Variants in TBC1D1 observed in about 807,000 individuals in gnomAD.
TBC1D1 encodes the protein TBC1 (tre-2/USP6, BUB2, cdc16) domain family, member 1.
TBC1D1 carries 89 observed loss-of-function variants against 125.6 expected under a neutral mutation model. The ratio of observed to expected loss-of-function variants is 0.71; its 90% CI spans 0.60 to 0.85. The LOEUF is 0.85. Ranked by LOEUF, TBC1D1 falls within the 40% of genes least tolerant of loss-of-function variation. The pLI, the probability that TBC1D1 is intolerant of heterozygous loss-of-function variation, is 0.00. For missense variants in TBC1D1, 1,377 were observed against 1,469.2 expected, an observed-to-expected ratio of 0.94 and a Z score of 1.03; for synonymous variants, 565 against 564.1, an observed-to-expected ratio of 1.00 and a Z score of -0.02.
intron 2 of TBC1D1, among the ~76,000 whole-genome samples, chr4:37,998,909 G>C (rs550427108): frequency 2.9e-4 from 44 of 152,284 alleles, no homozygotes; most frequent in African/African-American, 9.6e-4. Flanking sequence ...ATAAAATACT[G>C]TTGGTCACAC....
chr4:37,919,917 C>T (rs1478692682), intron 2 of TBC1D1, among the ~76,000 whole-genome samples: 1 of 152,102 alleles, frequency 6.6e-6, no homozygotes, highest in Non-Finnish European at 1.5e-5. Flanking sequence ...TCGAGACCAT[C>T]CTGGCTAACA....
intron 14 of TBC1D1, 27 bp downstream of exon 16, chr4:38,096,117 C>T: frequency 6.3e-7 from 1 of 1,596,192 alleles, no homozygotes; most frequent in African/African-American, 1.3e-5. Flanking sequence ...AGCATCTAGT[C>T]AACCTCACCC....
chr4:38,032,065 T>G (rs2152453615), intron 7 of TBC1D1, among the ~76,000 whole-genome samples: 1 of 152,330 alleles, frequency 6.6e-6, no homozygotes, highest in South Asian at 2.1e-4. Context: ...ATGCCTGTAA[T>G]TCCAGCACTT....
chr4:37,993,231 G>T (rs1737021782), intron 2 of TBC1D1, among the ~76,000 whole-genome samples: 1 of 150,208 alleles, frequency 6.7e-6, no homozygotes, highest in East Asian at 1.9e-4. Flanking sequence ...GAGAGAGAGG[G>T]AGAGACAGAG....
At chr4:37,982,552 G>T (rs1734548513) in intron 2 of TBC1D1, among the ~76,000 whole-genome samples, 3 of 152,158 alleles carry the variant, frequency 2.0e-5, no homozygotes, top group African/African-American at 7.2e-5. Flanking sequence ...TTATCTGGTA[G>T]TGGTGGCAGC....
chr4:38,065,661 T>TG (rs1290955743), intron 12 of TBC1D1, among the ~76,000 whole-genome samples: 1 of 150,932 alleles, frequency 6.6e-6, no homozygotes, highest in African/African-American at 2.4e-5. Flanking sequence ...TTTTTTTTTT[T>TG]TTGAGACAGA....
At chr4:37,956,568 C>T (rs974918441) in intron 2 of TBC1D1, among the ~76,000 whole-genome samples, 3 of 152,154 alleles carry the variant, frequency 2.0e-5, no homozygotes, top group African/African-American at 7.2e-5. Flanking sequence ...AATGGCTTTT[C>T]CCTGTACTTC....
intron 2 of TBC1D1, among the ~76,000 whole-genome samples, chr4:38,005,892 G>A (rs762551348): frequency 6.6e-6 from 1 of 152,318 alleles, no homozygotes; most frequent in African/African-American, 2.4e-5. Context: ...GTAGAAAACC[G>A]CATTTCCAGA....
At chr4:38,056,051 T>C (rs1028708941) in intron 12 of TBC1D1, among the ~76,000 whole-genome samples, 1 of 152,250 alleles carries the variant, frequency 6.6e-6, no homozygotes, top group African/African-American at 2.4e-5. Flanking sequence ...CACAGATGAC[T>C]GCTTGCTCCA....
intron 16 of TBC1D1, among the ~76,000 whole-genome samples, chr4:38,116,491 C>T (rs1284670370): frequency 6.6e-6 from 1 of 152,236 alleles, no homozygotes. Flanking sequence ...AACACAGCCA[C>T]TGCCAGAAAT....
chr4:38,097,600 C>A (rs923839449), intron 14 of TBC1D1, among the ~76,000 whole-genome samples: 1 of 152,148 alleles, frequency 6.6e-6, no homozygotes, highest in African/African-American at 2.4e-5. Context: ...CCTTGGCCTC[C>A]CAAAGTGCTG....
chr4:37,945,085 G>A (rs1726391861), intron 2 of TBC1D1, among the ~76,000 whole-genome samples: 1 of 152,102 alleles, frequency 6.6e-6, no homozygotes, highest in Non-Finnish European at 1.5e-5. Context: ...AAACCATAAG[G>A]CACAGCTATA....
chr4:38,105,931 T>A (rs1761220399), intron 15 of TBC1D1, among the ~76,000 whole-genome samples: 1 of 152,116 alleles, frequency 6.6e-6, no homozygotes, highest in South Asian at 2.1e-4. Flanking sequence ...GTAGGATGAT[T>A]TATTTTGTTT....
At chr4:38,132,988 C>G (rs1184163739) in intron 18 of TBC1D1, 96 bp from the exon 21 acceptor site, 1 of 1,067,844 alleles carries the variant, frequency 9.4e-7, no homozygotes, top group Non-Finnish European at 1.4e-6. Context: ...AGAGGAGACG[C>G]TTCACAGGTG....
rs146316252 is a variant in TBC1D1 at position 37,921,702 on chromosome 4, C to T, written c.417+19190C>T. On this transcript the variant is annotated intron_variant, in intron 2 of 19. Coordinates refer to ENST00000261439, the MANE Select transcript of TBC1D1 (RefSeq NM_015173.4). Reference sequence around the variant, plus strand: ...CTGAGATTACAGGCGTGAGCCACTGCGTCCAGCCCATATATATAATTTTGA... The same window carrying T: ...CTGAGATTACAGGCGTGAGCCACTGTGTCCAGCCCATATATATAATTTTGA... 4.7e-3 allele frequency among the ~76,000 whole-genome samples: 721 copies of T among 152,060 alleles called. 4 individuals carry two copies. The highest frequency in any genetic ancestry group is 0.017 in the African/African-American group (697 of 41,462).
At chr4:37,988,876 G>T (rs1211825643) in intron 2 of TBC1D1, among the ~76,000 whole-genome samples, 1 of 152,094 alleles carries the variant, frequency 6.6e-6, no homozygotes, top group Non-Finnish European at 1.5e-5. Context: ...CCTCTCTCTG[G>T]AATTCAGGCA....
At chr4:37,934,682 G>A (rs1658433406) in intron 2 of TBC1D1, among the ~76,000 whole-genome samples, 1 of 152,246 alleles carries the variant, frequency 6.6e-6, no homozygotes, top group South Asian at 2.1e-4. Flanking sequence ...GTGAGGGAGA[G>A]ACCAGTGTAG....
chr4:37,972,913 A>AG (rs1266424481), intron 2 of TBC1D1, among the ~76,000 whole-genome samples: 1 of 151,978 alleles, frequency 6.6e-6, no homozygotes, highest in Non-Finnish European at 1.5e-5. Context: ...CAAAAAAAAA[A>AG]AAAAAAAAGA....
chr4:37,908,802 A>C (rs2925949), intron 2 of TBC1D1, among the ~76,000 whole-genome samples: 4 of 152,024 alleles, frequency 2.6e-5, no homozygotes, highest in East Asian at 1.9e-4. Flanking sequence ...GAGGGGGAAC[A>C]GTGCGATACA....
Sources: allele counts gnomAD v4.1 joint callset (sites outside exome capture counted in the v4.1 genomes callset), GRCh38; gene constraint gnomAD v4.1.1; transcripts MANE v1.5; gene names NCBI Gene and HGNC (gene_info 2026-07-23, HGNC 2026-07-21).